GPC6: variants seen among roughly 807,000 people sequenced by gnomAD.
GPC6 encodes glypican-6.
Under a neutral mutation model 55.2 loss-of-function variants are expected in GPC6, and 14 were observed. That is an observed-to-expected ratio of 0.25 (90% CI 0.17 to 0.40). GPC6 has a LOEUF of 0.40. Among genes scored for constraint, GPC6 ranks in the 10% least tolerant of loss-of-function variants. GPC6 has a pLI of 1.00. For missense variants in GPC6, 641 were observed against 708.5 expected (o/e 0.90, Z 1.08); for synonymous variants, 278 against 259.6 (o/e 1.07, Z -0.68).
chr13:94,105,807 C>G (rs1275486261), intron 4 of GPC6, among the ~76,000 whole-genome samples: 1 of 152,168 alleles, frequency 6.6e-6, no homozygotes, highest in African/African-American at 2.4e-5. Context: ...AGTTTTGCCC[C>G]CTAGGAACAT....
At chr13:93,680,212 A>G (rs1031273886) in intron 2 of GPC6, among the ~76,000 whole-genome samples, 1 of 152,158 alleles carries the variant, frequency 6.6e-6, no homozygotes. Flanking sequence ...AAAGGGACAC[A>G]GAGACACAAA....
In GPC6 at chr13:94,067,884, G is replaced by A. The variant is rs530954568; in HGVS notation, c.877+39990G>A. 2.6e-5 allele frequency among the ~76,000 whole-genome samples: 4 copies of A among 152,262 alleles called. No individual in the cohort carries two copies. In the South Asian group the frequency reaches 8.3e-4, roughly 32 times the overall value. On this transcript the variant is annotated intron_variant, in intron 4 of 8. Coordinates refer to ENST00000377047, the MANE Select transcript of GPC6 (RefSeq NM_005708.5). ...AAAAGATAAGGATACTAATGAATAT[G>A]CTTAAATGTAGAGAACAAAGATGAT... is the stretch of plus-strand genomic sequence containing the variant.
intron 2 of GPC6, among the ~76,000 whole-genome samples, chr13:93,788,674 T>C (rs1445102171): frequency 6.6e-6 from 1 of 152,074 alleles, no homozygotes; most frequent in Admixed American, 6.6e-5. Flanking sequence ...ATTGTACTTA[T>C]TTGATTACAT....
intron 2 of GPC6, among the ~76,000 whole-genome samples, chr13:93,614,031 A>G (rs778517046): frequency 1.3e-5 from 2 of 152,306 alleles, no homozygotes; most frequent in Non-Finnish European, 2.9e-5. Context: ...AAAAACCTCA[A>G]ATGCTGTAAA....
chr13:93,566,114 C>T (rs1450614814), intron 2 of GPC6, among the ~76,000 whole-genome samples: 1 of 152,056 alleles, frequency 6.6e-6, no homozygotes, highest in African/African-American at 2.4e-5. Context: ...TAAGGCACTG[C>T]CATCTGCATT....
intron 1 of GPC6, among the ~76,000 whole-genome samples, chr13:93,239,262 T>C (rs9523976): frequency 0.26 from 39,109 of 151,832 alleles, 5,134 homozygotes; most frequent in African/African-American, 0.32. Context: ...ATCTCACTAC[T>C]TGTTATTTGT....
chr13:94,100,427 C>T (rs1319134609), intron 4 of GPC6, among the ~76,000 whole-genome samples: 1 of 152,056 alleles, frequency 6.6e-6, no homozygotes, highest in African/African-American at 2.4e-5. Context: ...TTATAATGTC[C>T]AGAAATATAA....
intron 3 of GPC6, among the ~76,000 whole-genome samples, chr13:93,996,760 A>T (rs1178349798): frequency 6.6e-6 from 1 of 152,178 alleles, no homozygotes; most frequent in East Asian, 1.9e-4. Context: ...ATTTGGAAGT[A>T]TGCTTTTGCT....
At chr13:93,532,125 G>T (rs1434195850) in intron 1 of GPC6, among the ~76,000 whole-genome samples, 2 of 152,170 alleles carry the variant, frequency 1.3e-5, no homozygotes, top group Non-Finnish European at 2.9e-5. Flanking sequence ...GTGAATACGA[G>T]GATATTTTGT....
chr13:93,975,001 C>T (rs900553010), intron 3 of GPC6, among the ~76,000 whole-genome samples: 3 of 152,134 alleles, frequency 2.0e-5, no homozygotes, highest in Non-Finnish European at 4.4e-5. Context: ...CATGCTCTTA[C>T]CTACAATGCT....
intron 2 of GPC6, among the ~76,000 whole-genome samples, chr13:93,635,418 G>A (rs544731409): frequency 4.0e-4 from 61 of 152,230 alleles, no homozygotes; most frequent in African/African-American, 1.4e-3. Flanking sequence ...TGTTGATATG[G>A]AAGAAATTCC....
chr13:93,240,888 T>A (rs1025334256), intron 1 of GPC6, among the ~76,000 whole-genome samples: 1 of 152,152 alleles, frequency 6.6e-6, no homozygotes, highest in Non-Finnish European at 1.5e-5. Context: ...TATTTCTCCC[T>A]CATTTATGAA....
chr13:93,404,909 A>C (rs1262053175), intron 1 of GPC6, among the ~76,000 whole-genome samples: 1 of 152,194 alleles, frequency 6.6e-6, no homozygotes, highest in African/African-American at 2.4e-5. Context: ...ATTCTGGTTA[A>C]TCACCTCATT....
intron 8 of GPC6, among the ~76,000 whole-genome samples, chr13:94,401,822 C>T (rs1881143471): frequency 6.6e-6 from 1 of 152,066 alleles, no homozygotes; most frequent in Non-Finnish European, 1.5e-5. Context: ...GTCCCAGCTA[C>T]TTAGGAGGCT....
intron 3 of GPC6, among the ~76,000 whole-genome samples, chr13:93,973,313 T>A (rs574573166): frequency 6.6e-6 from 1 of 152,230 alleles, no homozygotes; most frequent in South Asian, 2.1e-4. Flanking sequence ...AAAAATATGG[T>A]GTTAAAATCT....
intron 3 of GPC6, among the ~76,000 whole-genome samples, chr13:93,874,686 G>T (rs1209305343): frequency 6.6e-6 from 1 of 150,730 alleles, no homozygotes; most frequent in Non-Finnish European, 1.5e-5. Flanking sequence ...GATTCTGTAG[G>T]TCTCATGGAC....
intron 1 of GPC6, among the ~76,000 whole-genome samples, chr13:93,364,482 A>T (rs186868973): frequency 2.6e-5 from 4 of 152,098 alleles, no homozygotes; most frequent in East Asian, 3.9e-4. Context: ...TCTGTTGAGG[A>T]TTAGTCGTTG....
At chr13:93,592,861 C>T (rs1877554478) in intron 2 of GPC6, among the ~76,000 whole-genome samples, 1 of 151,970 alleles carries the variant, frequency 6.6e-6, no homozygotes, top group South Asian at 2.1e-4. Flanking sequence ...TATAAAAATA[C>T]CTCCTACGAA....
chr13:93,326,423 CTACA>C (rs1476492107), intron 1 of GPC6, among the ~76,000 whole-genome samples: 2 of 151,624 alleles, frequency 1.3e-5, no homozygotes, highest in African/African-American at 4.8e-5. Flanking sequence ...TTAAGAATAT[CTACA>C]TTCTCTCTCT....
Sources: gnomAD v4.1 joint callset for allele counts (sites outside exome capture counted in the v4.1 genomes callset) on GRCh38, gnomAD v4.1.1 for gene constraint, MANE v1.5 for transcripts, NCBI Gene and HGNC (gene_info 2026-07-23, HGNC 2026-07-21) for gene names.